The following GPR158 variants were observed in gnomAD, a reference collection of about 807,000 sequenced individuals.
GPR158 encodes G protein-coupled receptor 158.
A neutral mutation model predicts 78.2 loss-of-function variants in GPR158; 30 were observed. The ratio of observed to expected loss-of-function variants is 0.38; its 90% CI spans 0.29 to 0.52. The LOEUF (loss-of-function observed/expected upper bound fraction) is 0.52, where lower values mean the gene tolerates loss of function less well. GPR158 is among the 20% of genes least tolerant of loss of function. GPR158 has a pLI of 0.83. For synonymous variants in GPR158, 581 were observed against 591.1 expected (o/e 0.98, Z 0.25); for missense variants, 1,463 against 1,523.5 (o/e 0.96, Z 0.66).
chr10:25,543,542 G>A (rs1220351167), intron 5 of GPR158, among the ~76,000 whole-genome samples: 1 of 152,192 alleles, frequency 6.6e-6, no homozygotes, highest in East Asian at 1.9e-4. Flanking sequence ...AGTGTGTAAT[G>A]ATGACTGGGC....
chr10:25,186,545 C>T (rs1852688754), intron 1 of GPR158, among the ~76,000 whole-genome samples: 1 of 152,094 alleles, frequency 6.6e-6, no homozygotes, highest in Non-Finnish European at 1.5e-5. Context: ...GGGGTTATCA[C>T]CACCGACCTC....
chr10:25,394,690 A>G (rs1387522316), intron 2 of GPR158, among the ~76,000 whole-genome samples: 1 of 152,170 alleles, frequency 6.6e-6, no homozygotes, highest in Non-Finnish European at 1.5e-5. Context: ...AATGAAATTA[A>G]AATATTCAAG....
At chr10:25,286,437 T>C (rs1354649490) in intron 2 of GPR158, among the ~76,000 whole-genome samples, 1 of 152,168 alleles carries the variant, frequency 6.6e-6, no homozygotes, top group Non-Finnish European at 1.5e-5. Context: ...TAGATTTTTT[T>C]CTTATAGTTT....
intron 7 of GPR158, among the ~76,000 whole-genome samples, chr10:25,587,321 A>G (rs1299927512): frequency 1.3e-5 from 2 of 152,226 alleles, no homozygotes; most frequent in Admixed American, 6.5e-5. Context: ...GAAACCACAA[A>G]TATCAGTTCT....
At chr10:25,323,595 T>C (rs1488060344) in intron 2 of GPR158, among the ~76,000 whole-genome samples, 1 of 151,848 alleles carries the variant, frequency 6.6e-6, no homozygotes, top group Non-Finnish European at 1.5e-5. Flanking sequence ...GGTGCAATCA[T>C]AGGTCACTGC....
intron 2 of GPR158, among the ~76,000 whole-genome samples, chr10:25,331,254 T>G (rs534470564): frequency 7.2e-4 from 110 of 152,316 alleles, no homozygotes; most frequent in African/African-American, 2.6e-3. Flanking sequence ...AAATGCCTAT[T>G]TTTATTTTTA....
intron 2 of GPR158, among the ~76,000 whole-genome samples, chr10:25,257,272 A>C (rs1384998479): frequency 6.6e-6 from 1 of 152,172 alleles, no homozygotes; most frequent in Non-Finnish European, 1.5e-5. Context: ...CCTGCAGGCT[A>C]AGCCCTCATG....
intron 4 of GPR158, among the ~76,000 whole-genome samples, chr10:25,455,699 G>T (rs1835281775): frequency 6.6e-6 from 1 of 152,070 alleles, no homozygotes; most frequent in Non-Finnish European, 1.5e-5. Context: ...TCATGTTCAT[G>T]ATAGAATATA....
chr10:25,342,191 C>A (rs1487860285), intron 2 of GPR158, among the ~76,000 whole-genome samples: 3 of 151,888 alleles, frequency 2.0e-5, no homozygotes, highest in South Asian at 4.1e-4. Flanking sequence ...AATCATTAAG[C>A]CCTGAAGTAT....
In GPR158 at chr10:25,594,415, C is replaced by A; in HGVS notation, c.1998+18C>A. The A allele has an allele frequency of 9.5e-7, 1 of 1,055,016 alleles. No individual in the cohort carries two copies. Among genetic ancestry groups the A allele is most frequent in the Non-Finnish European group, 1.4e-6 (1 of 729,856 alleles). 65.4% of individuals were successfully genotyped at this position (1,055,016 alleles called of 1,614,324 possible). ...TTCCAAAGGTATTCTTCTAATATTA[C>A]TTTTTTTTTTGCAAAACTTATTTTT... On this transcript the variant is annotated intron_variant, in intron 9 of 10. Coordinates refer to ENST00000376351, the MANE Select transcript of GPR158 (RefSeq NM_020752.3).
chr10:25,296,986 A>G (rs981134526), intron 2 of GPR158, among the ~76,000 whole-genome samples: 2 of 152,240 alleles, frequency 1.3e-5, no homozygotes, highest in Non-Finnish European at 2.9e-5. Context: ...ATGGGAGTTC[A>G]GTAAAATTCT....
At chr10:25,384,190 A>G (rs1272621176) in intron 2 of GPR158, among the ~76,000 whole-genome samples, 1 of 152,164 alleles carries the variant, frequency 6.6e-6, no homozygotes, top group Non-Finnish European at 1.5e-5. Flanking sequence ...ACATTTGTAG[A>G]GTTAAGTCTA....
chr10:25,472,175 A>C (rs1160673175), intron 5 of GPR158, among the ~76,000 whole-genome samples: 62 of 152,138 alleles, frequency 4.1e-4, no homozygotes, highest in African/African-American at 8.2e-4. Flanking sequence ...TCAGCTTTCT[A>C]CATATGGCTA....
chr10:25,334,008 C>T (rs1039129209), intron 2 of GPR158, among the ~76,000 whole-genome samples: 2 of 151,988 alleles, frequency 1.3e-5, no homozygotes, highest in African/African-American at 4.8e-5. Context: ...TTTTGTAAAC[C>T]TATACATTAT....
chr10:25,256,145 G>A (rs370048342), intron 2 of GPR158, among the ~76,000 whole-genome samples: 5 of 151,270 alleles, frequency 3.3e-5, no homozygotes, highest in Admixed American at 1.3e-4. Context: ...GGTGGCACTT[G>A]CCATACTATT....
intron 2 of GPR158, among the ~76,000 whole-genome samples, chr10:25,238,041 T>G (rs1430198318): frequency 6.6e-6 from 1 of 152,156 alleles, no homozygotes; most frequent in Non-Finnish European, 1.5e-5. Context: ...TTAAAAAAAT[T>G]CTTGTCTTTC....
At chr10:25,440,951 T>C (rs1298351575) in intron 4 of GPR158, among the ~76,000 whole-genome samples, 1 of 152,212 alleles carries the variant, frequency 6.6e-6, no homozygotes, top group East Asian at 1.9e-4. Context: ...GTAGGACTCA[T>C]AGTCTCATTT....
chr10:25,490,634 A>G (rs1835794976), intron 5 of GPR158, among the ~76,000 whole-genome samples: 6 of 149,966 alleles, frequency 4.0e-5, no homozygotes, highest in Admixed American at 2.7e-4. Context: ...ATCCTTTTTT[A>G]TGGCTGCATA....
chr10:25,339,119 G>C (rs1045802493), intron 2 of GPR158, among the ~76,000 whole-genome samples: 6 of 150,466 alleles, frequency 4.0e-5, no homozygotes, highest in Non-Finnish European at 7.4e-5. Context: ...CAAGTACCTG[G>C]GACTACAGGC....
Sources: gnomAD v4.1 joint callset for allele counts (sites outside exome capture counted in the v4.1 genomes callset) on GRCh38, gnomAD v4.1.1 for gene constraint, MANE v1.5 for transcripts, NCBI Gene and HGNC (gene_info 2026-07-23, HGNC 2026-07-21) for gene names.